The following KLF8 variants were observed in gnomAD, a reference collection of about 807,000 sequenced individuals.
The protein encoded by KLF8 is Krueppel-like factor 8.
In KLF8, 10 loss-of-function variants were observed where a neutral mutation model predicts 18.2. The observed-to-expected ratio is 0.55, with a 90% CI of 0.34 to 0.93. KLF8 has a LOEUF of 0.93. KLF8 is among the 40% of genes least tolerant of loss of function. The pLI is 0.02. For synonymous variants in KLF8, 109 were observed against 97.3 expected (o/e 1.12, Z -0.71); for missense variants, 264 against 277.9 (o/e 0.95, Z 0.36).
At chrX:55,992,610 A>G in the KLF8 span, among the ~76,000 whole-genome samples, 2 of 112,170 alleles carry the variant, frequency 1.8e-5, no homozygotes, top group Admixed American at 9.4e-5. Flanking sequence ...GAATTATAGA[A>G]TAGTTTTTTT....
At chrX:56,141,382 G>T in the KLF8 span, among the ~76,000 whole-genome samples, 1 of 111,443 alleles carries the variant, frequency 9.0e-6, no homozygotes, top group Non-Finnish European at 1.9e-5. Context: ...GGATTATATT[G>T]TATTAGGTAA....
the KLF8 span, among the ~76,000 whole-genome samples, chrX:56,135,657 A>T: frequency 0.078 from 8,603 of 110,294 alleles, 830 homozygotes; most frequent in African/African-American, 0.27. Context: ...ATATGTAACT[A>T]ACCTGCACAT....
the KLF8 span, among the ~76,000 whole-genome samples, chrX:56,187,811 C>G: frequency 1.8e-5 from 2 of 111,726 alleles, no homozygotes; most frequent in Non-Finnish European, 3.8e-5. Flanking sequence ...TGGCCTTTGA[C>G]AAAATTCAAC....
At chrX:56,151,066 G>C in the KLF8 span, among the ~76,000 whole-genome samples, 9 of 111,269 alleles carry the variant, frequency 8.1e-5, no homozygotes, top group East Asian at 2.5e-3. Context: ...GCAGGAGGGA[G>C]TATGGTAAAA....
chrX:56,122,278 A>C, the KLF8 span, among the ~76,000 whole-genome samples: 1 of 111,872 alleles, frequency 8.9e-6, no homozygotes, highest in Non-Finnish European at 1.9e-5. Flanking sequence ...AAAGTTTGGG[A>C]ATGTGCCAAA....
At chrX:56,158,433 C>A in the KLF8 span, among the ~76,000 whole-genome samples, 1,916 of 111,512 alleles carry the variant, frequency 0.017, 19 homozygotes, top group African/African-American at 0.044. Context: ...GAAGAAAGTC[C>A]TTGGTAGCTT....
At chrX:56,094,820 G>A in the KLF8 span, among the ~76,000 whole-genome samples, 3 of 110,913 alleles carry the variant, frequency 2.7e-5, no homozygotes, top group African/African-American at 6.5e-5. Context: ...CCCAAAACAC[G>A]TAGAGGTAAA....
the KLF8 span, among the ~76,000 whole-genome samples, chrX:56,108,161 T>C: frequency 9.0e-6 from 1 of 111,645 alleles, no homozygotes; most frequent in Non-Finnish European, 1.9e-5. Context: ...ATATAAATAG[T>C]TTTACTTCTT....
At chrX:56,049,117 G>A in the KLF8 span, among the ~76,000 whole-genome samples, 1 of 111,850 alleles carries the variant, frequency 8.9e-6, no homozygotes, top group Non-Finnish European at 1.9e-5. Flanking sequence ...CATTGATTTT[G>A]TATCCTGAGA....
At chrX:55,991,294 C>T in the KLF8 span, among the ~76,000 whole-genome samples, 553 of 112,267 alleles carry the variant, frequency 4.9e-3, 4 homozygotes, top group African/African-American at 0.017. Flanking sequence ...GGGCGTAGGA[C>T]CCTCCAAGCC....
the KLF8 span, among the ~76,000 whole-genome samples, chrX:56,016,646 G>T: frequency 9.0e-6 from 1 of 111,419 alleles, no homozygotes; most frequent in Non-Finnish European, 1.9e-5. Context: ...GGGAAACTAA[G>T]GCATAAAGCA....
At chrX:56,017,225 G>A in the KLF8 span, among the ~76,000 whole-genome samples, 2 of 112,112 alleles carry the variant, frequency 1.8e-5, no homozygotes, top group South Asian at 3.7e-4. Flanking sequence ...TAGTATTAGG[G>A]ACCTGGCAAA....
the KLF8 span, among the ~76,000 whole-genome samples, chrX:56,007,790 C>T: frequency 1.8e-5 from 2 of 111,115 alleles, no homozygotes; most frequent in East Asian, 5.6e-4. Flanking sequence ...TGGAAATATA[C>T]TTACCAAATC....
At chrX:56,136,267 A>G in the KLF8 span, among the ~76,000 whole-genome samples, 1 of 111,457 alleles carries the variant, frequency 9.0e-6, no homozygotes, top group African/African-American at 3.3e-5. Flanking sequence ...GTAAGTTCAT[A>G]TGGAACCAAA....
chrX:56,155,443 C>T, the KLF8 span, among the ~76,000 whole-genome samples: 17 of 110,007 alleles, frequency 1.5e-4, no homozygotes, highest in Middle Eastern at 4.7e-3. Context: ...CATCACACAC[C>T]GGGGCCTGTT....
chrX:56,058,289 T>TATATATATATAC, the KLF8 span, among the ~76,000 whole-genome samples: 77 of 25,250 alleles, frequency 3.0e-3, 3 homozygotes, highest in African/African-American at 5.7e-3. Context: ...CATATATATA[T>TATATATATATAC]ATATATATAT....
the KLF8 span, among the ~76,000 whole-genome samples, chrX:56,079,582 T>C: frequency 9.0e-6 from 1 of 111,640 alleles, no homozygotes; most frequent in African/African-American, 3.3e-5. Flanking sequence ...AATTTTGGAA[T>C]AGGTGTGGTG....
At chrX:56,263,307 T>C (rs1337294588) in intron 2 of KLF8, among the ~76,000 whole-genome samples, 2 of 111,771 alleles carry the variant, frequency 1.8e-5, no homozygotes, top group Non-Finnish European at 1.9e-5. Context: ...GAGGAGCAGA[T>C]TGAAGCAATG....
In KLF8 at chrX:56,285,561, GA is replaced by G. The variant is rs2147707741; in HGVS notation, c.*1072del. ...CATGTTATACAGAAGTAAGGGGTTGGAAAAATGGAATGTTGTTCACTCCATG... is the reference window on the plus strand; with the variant it reads ...CATGTTATACAGAAGTAAGGGGTTGGAAAATGGAATGTTGTTCACTCCATG... On this transcript the variant is annotated 3_prime_UTR_variant, in exon 6 of 6. Coordinates refer to ENST00000468660, the MANE Select transcript of KLF8 (RefSeq NM_007250.5). The G allele has an allele frequency of 9.0e-6, 1 of 111,577 alleles. No individual in the cohort carries two copies. Among genetic ancestry groups the G allele is most frequent in the South Asian group, 3.8e-4 (1 of 2,653 alleles). 9.2% of individuals were successfully genotyped at this position (111,577 alleles called of 1,213,427 possible).
Sources: gnomAD v4.1 joint callset for allele counts (sites outside exome capture counted in the v4.1 genomes callset) on GRCh38, gnomAD v4.1.1 for gene constraint, MANE v1.5 for transcripts, NCBI Gene and HGNC (gene_info 2026-07-23, HGNC 2026-07-21) for gene names.